The following HMCN1 variants were observed in gnomAD, a reference collection of about 807,000 sequenced individuals.
HMCN1 encodes the protein hemicentin 1, also known as hemicentin-1.
A neutral mutation model predicts 625.9 loss-of-function variants in HMCN1; 321 were observed. That is an observed-to-expected ratio of 0.51 (90% CI 0.47 to 0.56). HMCN1 has a LOEUF of 0.56. Among genes scored for constraint, HMCN1 ranks in the 20% least tolerant of loss-of-function variants. HMCN1 has a pLI of 0.00. For synonymous variants in HMCN1, 2,425 were observed against 2,417.6 expected (o/e 1.00, Z -0.09); for missense variants, 6,588 against 6,887.3 (o/e 0.96, Z 1.54).
Position 186,190,884 on chromosome 1 carries a change from T to A in HMCN1, c.*1006T>A, listed in dbSNP as rs1241689113. Reference sequence around the variant, plus strand: ...ATCTTGATGGACTCTTTTATAAAATTATTTTATAAAAAACAATGTTACACT... The same window carrying A: ...ATCTTGATGGACTCTTTTATAAAATAATTTTATAAAAAACAATGTTACACT... On this transcript the variant is annotated 3_prime_UTR_variant, in exon 107 of 107. Transcript: ENST00000271588. 1.6e-5 allele frequency: 3 copies of A among 184,290 alleles called. No individual in the cohort carries two copies. The East Asian group carries it at 2.7e-4, about 17-fold the overall frequency. 11.4% of individuals were successfully genotyped at this position (184,290 alleles called of 1,614,324 possible). A position where few individuals can be genotyped will look rare whatever the true frequency, so the allele number is the denominator to read the frequency against.
intron 11 of HMCN1, among the ~76,000 whole-genome samples, chr1:185,948,513 C>T (rs1471259092): frequency 6.6e-6 from 1 of 150,974 alleles, no homozygotes; most frequent in Non-Finnish European, 1.5e-5. Context: ...GCTTTTTGAG[C>T]CAGGATGAGC....
intron 97 of HMCN1, among the ~76,000 whole-genome samples, chr1:186,163,224 T>C (rs971837653): frequency 6.6e-6 from 1 of 152,190 alleles, no homozygotes; most frequent in Admixed American, 6.5e-5. Flanking sequence ...GTGCAGGATA[T>C]AATCTCCTGG....
chr1:185,981,430 T>C (rs1651628543), intron 17 of HMCN1, among the ~76,000 whole-genome samples: 1 of 152,146 alleles, frequency 6.6e-6, no homozygotes, highest in South Asian at 2.1e-4. Context: ...GTATGATAGG[T>C]AAAAATATAA....
intron 105 of HMCN1, 59 bp from the exon 106 acceptor site, chr1:186,187,824 T>A: frequency 1.2e-5 from 20 of 1,609,508 alleles, no homozygotes; most frequent in Non-Finnish European, 1.7e-5. Flanking sequence ...CAGTGCCTGC[T>A]CTGATGGCCT....
intron 105 of HMCN1, among the ~76,000 whole-genome samples, chr1:186,187,549 A>C (rs569541326): frequency 6.6e-6 from 1 of 152,334 alleles, no homozygotes; most frequent in African/African-American, 2.4e-5. Flanking sequence ...AGTGCATTTA[A>C]AATATTTCTT....
At chr1:186,185,560 GT>G (rs1382753022) in intron 105 of HMCN1, among the ~76,000 whole-genome samples, 1 of 152,172 alleles carries the variant, frequency 6.6e-6, no homozygotes, top group East Asian at 1.9e-4. Flanking sequence ...ATACATCATT[GT>G]CAGCACATAT....
intron 11 of HMCN1, among the ~76,000 whole-genome samples, chr1:185,961,354 T>A (rs937776591): frequency 6.6e-6 from 1 of 152,182 alleles, no homozygotes; most frequent in Non-Finnish European, 1.5e-5. Flanking sequence ...TTTCTCAATT[T>A]TATTTATAGT....
intron 71 of HMCN1, among the ~76,000 whole-genome samples, chr1:186,109,750 C>A (rs570656929): frequency 6.6e-6 from 1 of 152,304 alleles, no homozygotes; most frequent in East Asian, 1.9e-4. Context: ...AAAAGGAAGG[C>A]TGCTGGTCTG....
intron 100 of HMCN1, among the ~76,000 whole-genome samples, chr1:186,168,276 A>G (rs889437435): frequency 6.6e-6 from 1 of 151,582 alleles, no homozygotes; most frequent in Non-Finnish European, 1.5e-5. Context: ...AAACTGCACT[A>G]AGAAAAATCT....
Position 186,007,224 on chromosome 1 carries a change from A to G in HMCN1, c.4572A>G (p.Gln1524=), listed in dbSNP as rs779286566. The part of the protein sequence containing the change: ...NARRNDKGRY[Q]CTVSNAAGKQ... ...GGAGAAATGACAAGGGGCGCTACCAATGTACTGTGTCTAATGCAGCTGGCA... is the reference window on the plus strand; with the variant it reads ...GGAGAAATGACAAGGGGCGCTACCAGTGTACTGTGTCTAATGCAGCTGGCA... Residue 1524 remains glutamine, a synonymous_variant, in exon 30 of 107, where the codon CAA becomes CAG. Transcript: ENST00000271588. 1.9e-6 allele frequency: 3 copies of G among 1,613,700 alleles called. No individual in the cohort carries two copies. Among genetic ancestry groups the G allele is most frequent in the Middle Eastern group, 1.7e-4 (1 of 6,058 alleles).
chr1:185,860,359 G>C (rs1241229009), intron 2 of HMCN1, among the ~76,000 whole-genome samples: 1 of 152,106 alleles, frequency 6.6e-6, no homozygotes, highest in Non-Finnish European at 1.5e-5. Flanking sequence ...TATAAAGACT[G>C]CACTGATTTC....
intron 1 of HMCN1, among the ~76,000 whole-genome samples, chr1:185,812,704 A>T (rs186211622): frequency 6.6e-6 from 1 of 152,156 alleles, no homozygotes. Context: ...ATTAAAAATG[A>T]TTCTGGCAAT....
intron 20 of HMCN1, 90 bp downstream of exon 20, chr1:185,987,634 G>C (rs992789970): frequency 2.3e-6 from 2 of 884,490 alleles, no homozygotes; most frequent in Non-Finnish European, 3.9e-6. Flanking sequence ...AGGCTCAGGA[G>C]TGGGGCATGG....
intron 1 of HMCN1, among the ~76,000 whole-genome samples, chr1:185,780,721 T>A (rs140432181): frequency 0.01 from 1,538 of 152,326 alleles, 11 homozygotes; most frequent in Non-Finnish European, 0.016. Flanking sequence ...GTGGATAAGC[T>A]TTTTGATGTG....
intron 11 of HMCN1, among the ~76,000 whole-genome samples, chr1:185,959,451 TTTTTA>T (rs1398979842): frequency 6.6e-6 from 1 of 152,178 alleles, no homozygotes; most frequent in Non-Finnish European, 1.5e-5. Flanking sequence ...GTAGTATTGG[TTTTTA>T]TTTTATATTT....
chr1:186,173,300 G>A (rs1190351743), intron 102 of HMCN1, among the ~76,000 whole-genome samples: 1 of 152,042 alleles, frequency 6.6e-6, no homozygotes, highest in Non-Finnish European at 1.5e-5. Context: ...TGGTGGTTTA[G>A]TATAATTTAA....
intron 84 of HMCN1, 132 bp from the exon 85 acceptor site, chr1:186,130,375 T>C (rs1045276353): frequency 1.0e-6 from 1 of 978,550 alleles, no homozygotes; most frequent in East Asian, 2.6e-5. Flanking sequence ...GAGTTGATTC[T>C]GGAAATTTCA....
chr1:186,050,236 T>C (rs1273675247), intron 42 of HMCN1, among the ~76,000 whole-genome samples: 4 of 151,950 alleles, frequency 2.6e-5, no homozygotes, highest in Non-Finnish European at 5.9e-5. Flanking sequence ...GAATTCCTTT[T>C]TCATATGCAA....
intron 80 of HMCN1, among the ~76,000 whole-genome samples, chr1:186,122,523 T>C (rs573596410): frequency 6.6e-6 from 1 of 152,354 alleles, no homozygotes; most frequent in South Asian, 2.1e-4. Flanking sequence ...TATATGTGTA[T>C]TCTAAGCTCT....
Sources: allele counts gnomAD v4.1 joint callset (sites outside exome capture counted in the v4.1 genomes callset), GRCh38; gene constraint gnomAD v4.1.1; transcripts MANE v1.5; gene names NCBI Gene and HGNC (gene_info 2026-07-23, HGNC 2026-07-21).